Variants in POC1B observed in about 807,000 individuals in gnomAD.
POC1B encodes the protein POC1 centriolar protein B, also known as POC1 centriolar protein homolog B.
A neutral mutation model predicts 60.6 loss-of-function variants in POC1B; 44 were observed. The ratio of observed to expected loss-of-function variants is 0.73; its 90% CI spans 0.57 to 0.93. The LOEUF is 0.93. Ranked by LOEUF, POC1B falls within the 40% of genes least tolerant of loss-of-function variation. The pLI is 0.00. For synonymous variants in POC1B, 180 were observed against 198.9 expected, an observed-to-expected ratio of 0.90 and a Z score of 0.80; for missense variants, 555 against 572.3, an observed-to-expected ratio of 0.97 and a Z score of 0.31.
chr12:89,462,828 ATTAAC>A (rs1198410522), intron 9 of POC1B, among the ~76,000 whole-genome samples: 6 of 152,350 alleles, frequency 3.9e-5, no homozygotes, highest in Non-Finnish European at 7.3e-5. Flanking sequence ...TTTTAGGAAT[ATTAAC>A]TTAATTTGTA....
chr12:89,502,655 T>C, intron 2 of POC1B: 1 of 1,334,090 alleles, frequency 7.5e-7, no homozygotes, highest in African/African-American at 1.5e-5. Context: ...TACATATCAA[T>C]TTTTTGTTAA....
chr12:89,404,038 AG>A, the POC1B span, among the ~76,000 whole-genome samples: 4 of 152,136 alleles, frequency 2.6e-5, no homozygotes, highest in East Asian at 7.7e-4. Flanking sequence ...AGGCTGAGGT[AG>A]AAGAATTGCT....
At chr12:89,507,389 T>G (rs546662876) in intron 2 of POC1B, among the ~76,000 whole-genome samples, 13 of 151,554 alleles carry the variant, frequency 8.6e-5, no homozygotes, top group South Asian at 2.1e-4. Flanking sequence ...GATAATAAAA[T>G]GTATTTGGTT....
At chr12:89,445,078 T>C (rs1881717348) in intron 10 of POC1B, among the ~76,000 whole-genome samples, 2 of 152,264 alleles carry the variant, frequency 1.3e-5, no homozygotes, top group South Asian at 2.1e-4. Flanking sequence ...CAAGGAGAAC[T>C]AGAAACCACT....
At chr12:89,419,608 T>C (rs1261916079), downstream of POC1B, 2 of 152,112 alleles carry the variant, frequency 1.3e-5, no homozygotes, top group Non-Finnish European at 2.9e-5. Flanking sequence ...CAGGAAACTG[T>C]TTTGACAAGC....
At chr12:89,453,958 T>C (rs1882157393) in intron 10 of POC1B, among the ~76,000 whole-genome samples, 1 of 152,190 alleles carries the variant, frequency 6.6e-6, no homozygotes, top group Non-Finnish European at 1.5e-5. Flanking sequence ...TTCCTAAAAA[T>C]AGGCTGATGC....
chr12:89,405,263 C>G, the POC1B span, among the ~76,000 whole-genome samples: 1 of 152,194 alleles, frequency 6.6e-6, no homozygotes, highest in Non-Finnish European at 1.5e-5. Flanking sequence ...CTATTGATCT[C>G]CTGACTAGCC....
intron 2 of POC1B, chr12:89,500,737 A>T (rs1331241411): frequency 8.2e-7 from 1 of 1,216,086 alleles, no homozygotes; most frequent in African/African-American, 1.5e-5. Context: ...AAGTTATTTT[A>T]AAGAAAATAG....
chr12:89,524,689 C>G, intron 2 of POC1B: 1 of 868,374 alleles, frequency 1.2e-6, no homozygotes, highest in South Asian at 1.8e-5. Context: ...TTCCAGCCAC[C>G]CAGGCTTTCC....
chr12:89,403,493 T>G, the POC1B span, among the ~76,000 whole-genome samples: 3 of 152,156 alleles, frequency 2.0e-5, no homozygotes, highest in African/African-American at 7.2e-5. Flanking sequence ...TACCTCTGGT[T>G]AAATATCTGC....
At chr12:89,466,476 C>T (rs1158140190) in intron 9 of POC1B, among the ~76,000 whole-genome samples, 1 of 152,162 alleles carries the variant, frequency 6.6e-6, no homozygotes, top group Non-Finnish European at 1.5e-5. Context: ...CATGACCTCC[C>T]TAAACACACC....
intron 4 of POC1B, 86 bp from the exon 5 acceptor site, chr12:89,472,361 G>A (rs565445962): frequency 4.9e-4 from 421 of 857,856 alleles, no homozygotes; most frequent in Non-Finnish European, 7.2e-4. Flanking sequence ...AAACCAGGCT[G>A]TAAATATTAA....
At chr12:89,495,810 G>A (rs923695911) in intron 3 of POC1B, among the ~76,000 whole-genome samples, 10 of 152,066 alleles carry the variant, frequency 6.6e-5, no homozygotes, top group African/African-American at 2.4e-4. Flanking sequence ...CACCCAGGAT[G>A]GAGTACAATG....
intron 3 of POC1B, among the ~76,000 whole-genome samples, chr12:89,496,680 T>G (rs1314239805): frequency 2.6e-5 from 4 of 152,182 alleles, no homozygotes; most frequent in Non-Finnish European, 4.4e-5. Flanking sequence ...TTACACAAAT[T>G]CAACGATTTA....
intron 10 of POC1B, among the ~76,000 whole-genome samples, chr12:89,448,525 C>A (rs1268002153): frequency 6.6e-6 from 1 of 152,144 alleles, no homozygotes; most frequent in African/African-American, 2.4e-5. Flanking sequence ...CAGACAAAAA[C>A]TGAAAATTAG....
At chr12:89,484,861 T>G (rs1007530660) in intron 4 of POC1B, among the ~76,000 whole-genome samples, 2 of 152,190 alleles carry the variant, frequency 1.3e-5, no homozygotes, top group African/African-American at 4.8e-5. Context: ...CCAGCAGTAC[T>G]GATCACTGGC....
At chr12:89,457,881 C>T (rs1882320846) in intron 10 of POC1B, among the ~76,000 whole-genome samples, 1 of 152,134 alleles carries the variant, frequency 6.6e-6, no homozygotes, top group Admixed American at 6.6e-5. Context: ...ATATATTCCT[C>T]GAGTTATGGT....
intron 2 of POC1B, 124 bp downstream of exon 2, chr12:89,524,996 G>A: frequency 4.3e-6 from 6 of 1,411,392 alleles, no homozygotes; most frequent in Non-Finnish European, 5.8e-6. Context: ...CTCGTCTCCG[G>A]GTGCTCTCAA....
chr12:89,523,669 C>A, intron 2 of POC1B: 1 of 1,538,618 alleles, frequency 6.5e-7, no homozygotes, highest in Non-Finnish European at 8.7e-7. Context: ...CCGCCTGTCC[C>A]TTTCCTGTTT....
Sources: gnomAD v4.1 joint callset for allele counts (sites outside exome capture counted in the v4.1 genomes callset) on GRCh38, gnomAD v4.1.1 for gene constraint, MANE v1.5 for transcripts, NCBI Gene and HGNC (gene_info 2026-07-23, HGNC 2026-07-21) for gene names.